TRAPPC8: variants seen among roughly 807,000 people sequenced by gnomAD.
TRAPPC8 encodes general sporulation gene 1 homolog.
A neutral mutation model predicts 174.3 loss-of-function variants in TRAPPC8; 54 were observed. The ratio of observed to expected loss-of-function variants is 0.31; its 90% CI spans 0.25 to 0.39. The LOEUF is 0.39. TRAPPC8 is among the 10% of genes least tolerant of loss of function. The pLI is 1.00. For missense variants in TRAPPC8, 1,531 were observed against 1,699.1 expected (o/e 0.90, Z 1.74); for synonymous variants, 630 against 579.9 (o/e 1.09, Z -1.24).
intron 26 of TRAPPC8, among the ~76,000 whole-genome samples, chr18:31,844,052 T>C (rs929607682): frequency 1.3e-5 from 2 of 152,174 alleles, no homozygotes; most frequent in African/African-American, 4.8e-5. Flanking sequence ...TCTGCCACCA[T>C]AATATCTTCT....
At chr18:31,913,849 C>T (rs2037019290) in intron 4 of TRAPPC8, among the ~76,000 whole-genome samples, 1 of 152,052 alleles carries the variant, frequency 6.6e-6, no homozygotes, top group South Asian at 2.1e-4. Flanking sequence ...GGTGGTCAAA[C>T]TAGATTGCGG....
chr18:31,896,678 T>C (rs1041644150), intron 11 of TRAPPC8, among the ~76,000 whole-genome samples: 2 of 152,126 alleles, frequency 1.3e-5, no homozygotes, highest in African/African-American at 4.8e-5. Flanking sequence ...CAGGCTGGAG[T>C]GCAGTGGTGC....
chr18:31,867,555 C>G (rs2034646203), intron 16 of TRAPPC8, 79 bp from the exon 17 acceptor site: 1 of 942,140 alleles, frequency 1.1e-6, no homozygotes, highest in East Asian at 2.6e-5. Context: ...ATCAATACTT[C>G]AAAAAAATAA....
intron 9 of TRAPPC8, 104 bp from the exon 10 acceptor site, chr18:31,901,129 T>C (rs910073786): frequency 6.9e-6 from 6 of 864,040 alleles, no homozygotes; most frequent in Middle Eastern, 2.7e-4. Flanking sequence ...TTTTTTTAAC[T>C]GGATACACAT....
At chr18:31,888,222 C>A (rs904154803) in intron 12 of TRAPPC8, among the ~76,000 whole-genome samples, 5 of 152,142 alleles carry the variant, frequency 3.3e-5, no homozygotes, top group Non-Finnish European at 7.4e-5. Context: ...CATTTCATGG[C>A]AGTCAGAATG....
rs1243792188 is a variant in TRAPPC8 at position 31,839,460 on chromosome 18, G to T, written c.3838-3C>A. ...AATAGTTCCATTTCTGGTGGCTCCT[G>T]AGAAAAGAAAGAAAAAACATATGAC... On this transcript the variant is annotated splice_polypyrimidine_tract_variant and splice_region_variant and intron_variant, in intron 26 of 28. Transcript: ENST00000283351. 3 of 1,566,910 alleles carry T rather than the reference G, an allele frequency of 1.9e-6. No individual in the cohort carries two copies. Among genetic ancestry groups the T allele is most frequent in the Non-Finnish European group, 2.6e-6 (3 of 1,163,274 alleles).
chr18:31,932,440 A>C (rs947862061), intron 1 of TRAPPC8, among the ~76,000 whole-genome samples: 6 of 151,200 alleles, frequency 4.0e-5, no homozygotes, highest in Admixed American at 4.0e-4. Context: ...AAAAAAAAAA[A>C]CAACAACAAC....
In TRAPPC8 at chr18:31,913,469, T is replaced by C. The variant is rs371292283; in HGVS notation, c.671A>G (p.Tyr224Cys). ...TGTTCGAGAATTAATTTTAAGTAAATAGCAACCCTGAGTTCCATATTTCTG... is the reference window on the plus strand; with the variant it reads ...TGTTCGAGAATTAATTTTAAGTAAACAGCAACCCTGAGTTCCATATTTCTG... ...MKQKYGTQGCYLLKINSRTSN... is the reference protein window; with the variant it reads ...MKQKYGTQGCCLLKINSRTSN... Residue 224 changes from tyrosine to cysteine, a missense_variant, in exon 5 of 29, where the codon TAT (tyrosine) becomes TGT (cysteine). Tyr to Cys is a radical substitution (Grantham distance 194). Transcript: ENST00000283351. 4 of 1,611,480 alleles carry C rather than the reference T, an allele frequency of 2.5e-6. No individual in the cohort carries two copies. The highest frequency in any genetic ancestry group is 1.7e-5 in the Admixed American group (1 of 59,632).
rs1046789317 is a variant in TRAPPC8 at position 31,890,556 on chromosome 18, G to C, written c.1728+179C>G. ...AGAGAAGTAGCTTGACCAAAGTTGT[G>C]AGTAGAAGATCAAAATTTATAGCCA... On this transcript the variant is annotated intron_variant, in intron 12 of 28. Transcript: ENST00000283351. Among the ~76,000 whole-genome samples the C allele has an allele frequency of 3.3e-5, 5 of 152,246 alleles. No homozygotes were observed. The East Asian group carries it at 9.7e-4, about 29-fold the overall frequency.
At chr18:31,835,290 T>C (rs1004181588) in intron 27 of TRAPPC8, among the ~76,000 whole-genome samples, 5 of 152,180 alleles carry the variant, frequency 3.3e-5, no homozygotes, top group African/African-American at 9.7e-5. Context: ...ATACACCTAG[T>C]AAGACACTAT....
At chr18:31,923,997 A>C (rs1334726056) in intron 2 of TRAPPC8, among the ~76,000 whole-genome samples, 5 of 152,168 alleles carry the variant, frequency 3.3e-5, no homozygotes, top group Non-Finnish European at 1.5e-5. Flanking sequence ...AAAAATACAA[A>C]AATTAGCCAG....
chr18:31,920,430 A>G (rs931730500), intron 2 of TRAPPC8, among the ~76,000 whole-genome samples: 1 of 152,212 alleles, frequency 6.6e-6, no homozygotes, highest in East Asian at 1.9e-4. Context: ...TATATCCTAC[A>G]TAGTCTAATT....
At chr18:31,890,299 T>C (rs2035898995) in intron 12 of TRAPPC8, among the ~76,000 whole-genome samples, 1 of 152,166 alleles carries the variant, frequency 6.6e-6, no homozygotes, top group Admixed American at 6.5e-5. Context: ...AGAAGATGTC[T>C]ATACATTAAG....
In TRAPPC8 at chr18:31,900,858, A is replaced by G. The variant is rs1680644; in HGVS notation, c.1490+67T>C. 3.2e-3 allele frequency: 689 copies of G among 215,712 alleles called. 1 individual carries two copies. Among genetic ancestry groups the G allele is most frequent in the Non-Finnish European group, 4.2e-3 (562 of 134,346 alleles). The allele number at this position is 215,712 out of a possible 1,614,324, so 13.4% of individuals were successfully genotyped here. Reference sequence around the variant, plus strand: ...TTGATTTGGGAGTTTAGGAATGGGGAAAAAAAAAAAAAAAGAACAAACTGA... The same window carrying G: ...TTGATTTGGGAGTTTAGGAATGGGGGAAAAAAAAAAAAAAGAACAAACTGA... On this transcript the variant is annotated intron_variant, in intron 10 of 28. Transcript: ENST00000283351.
chr18:31,867,320 A>G, intron 17 of TRAPPC8, 82 bp downstream of exon 17: 1 of 1,000,330 alleles, frequency 1.0e-6, no homozygotes, highest in Non-Finnish European at 1.5e-6. Context: ...AATATAAAAT[A>G]AACTGAATAA....
intron 14 of TRAPPC8, 74 bp from the exon 15 acceptor site, chr18:31,871,194 G>A: frequency 1.2e-6 from 1 of 860,400 alleles, no homozygotes; most frequent in Non-Finnish European, 1.7e-6. Context: ...TAGACATAAG[G>A]TACAGAAATA....
In TRAPPC8 at chr18:31,855,937, T is replaced by C. The variant is rs868042774; in HGVS notation, c.3189-130A>G. 5.9e-6 allele frequency: 6 copies of C among 1,008,428 alleles called. No homozygotes were observed. The Middle Eastern group carries it at 8.8e-4, about 148-fold the overall frequency. The allele number at this position is 1,008,428 out of a possible 1,614,324, so 62.5% of individuals were successfully genotyped here. A position where few individuals can be genotyped will look rare whatever the true frequency, so the allele number is the denominator to read the frequency against. On this transcript the variant is annotated intron_variant, in intron 20 of 28. Transcript: ENST00000283351. ...ATTTATACTCTAAAAATCCATAGAA[T>C]ACATTAAGTAAAATTACATAGTTAG...
intron 18 of TRAPPC8, among the ~76,000 whole-genome samples, chr18:31,865,359 T>C (rs1483455162): frequency 1.3e-5 from 2 of 152,130 alleles, no homozygotes; most frequent in South Asian, 4.1e-4. Flanking sequence ...GTAGTGCATG[T>C]ATGTGTGAAA....
chr18:31,913,744 T>C (rs2037015237), intron 4 of TRAPPC8, among the ~76,000 whole-genome samples: 1 of 152,170 alleles, frequency 6.6e-6, no homozygotes, highest in Admixed American at 6.5e-5. Context: ...GAAATTTAGC[T>C]AGCTTAGATA....
Sources: gnomAD v4.1 joint callset for allele counts (sites outside exome capture counted in the v4.1 genomes callset) on GRCh38, gnomAD v4.1.1 for gene constraint, MANE v1.5 for transcripts, NCBI Gene and HGNC (gene_info 2026-07-23, HGNC 2026-07-21) for gene names.